The following TMEM178A variants were observed in gnomAD, a reference collection of about 807,000 sequenced individuals.
TMEM178A encodes the protein transmembrane protein 178A.
A neutral mutation model predicts 29.1 loss-of-function variants in TMEM178A; 12 were observed. The ratio of observed to expected loss-of-function variants is 0.41; its 90% CI spans 0.26 to 0.67. The LOEUF (loss-of-function observed/expected upper bound fraction) is 0.67, where lower values mean the gene tolerates loss of function less well. TMEM178A is among the 30% of genes least tolerant of loss of function. The pLI, the probability that TMEM178A is intolerant of heterozygous loss-of-function variation, is 0.29. For missense variants in TMEM178A, 366 were observed against 419.1 expected, an observed-to-expected ratio of 0.87 and a Z score of 1.11; for synonymous variants, 210 against 187.2, an observed-to-expected ratio of 1.12 and a Z score of -0.99.
intron 1 of TMEM178A, among the ~76,000 whole-genome samples, chr2:39,686,313 TCAAA>T (rs1211578590): frequency 6.6e-6 from 1 of 152,168 alleles, no homozygotes; most frequent in Non-Finnish European, 1.5e-5. Context: ...GCTTGGAATA[TCAAA>T]CAAAGGCACA....
chr2:39,710,683 A>G (rs1250039133), intron 3 of TMEM178A, among the ~76,000 whole-genome samples: 2 of 152,182 alleles, frequency 1.3e-5, no homozygotes, highest in African/African-American at 4.8e-5. Flanking sequence ...CACATGCAGT[A>G]GGAGATGAGA....
downstream of TMEM178A, among the ~76,000 whole-genome samples, chr2:39,718,825 C>T (rs1044205211): frequency 6.6e-6 from 1 of 151,058 alleles, no homozygotes; most frequent in African/African-American, 2.4e-5. Flanking sequence ...CCCTTGTTCC[C>T]GATTCTACAC....
At chr2:39,702,757 A>G (rs1301891221) in intron 1 of TMEM178A, among the ~76,000 whole-genome samples, 2 of 152,110 alleles carry the variant, frequency 1.3e-5, no homozygotes, top group Non-Finnish European at 2.9e-5. Flanking sequence ...GCTTCCAAAA[A>G]TCAGAGATAG....
At chr2:39,701,776 T>C (rs1671793216) in intron 1 of TMEM178A, among the ~76,000 whole-genome samples, 1 of 152,176 alleles carries the variant, frequency 6.6e-6, no homozygotes, top group Admixed American at 6.5e-5. Context: ...TGGACCTATC[T>C]TCAAGTTTGC....
At chr2:39,718,333 A>G (rs911680134), downstream of TMEM178A, among the ~76,000 whole-genome samples, 5 of 152,070 alleles carry the variant, frequency 3.3e-5, no homozygotes, top group African/African-American at 1.2e-4. Context: ...GCGATTTTCA[A>G]CCTTGGCTGC....
At chr2:39,713,664 C>T (rs941483866) in intron 3 of TMEM178A, among the ~76,000 whole-genome samples, 1 of 152,172 alleles carries the variant, frequency 6.6e-6, no homozygotes, top group Non-Finnish European at 1.5e-5. Context: ...TAGACTGTAG[C>T]CTCTACAATT....
intron 3 of TMEM178A, among the ~76,000 whole-genome samples, chr2:39,712,508 C>T (rs1572696752): frequency 6.6e-6 from 1 of 152,162 alleles, no homozygotes; most frequent in African/African-American, 2.4e-5. Context: ...TCTGTGATAT[C>T]GTGGTATCTT....
In TMEM178A at chr2:39,671,806, C is replaced by A. The variant is rs944075357; in HGVS notation, c.400+5432C>A. On this transcript the variant is annotated intron_variant, in intron 1 of 3. Coordinates refer to ENST00000281961, the MANE Select transcript of TMEM178A (RefSeq NM_152390.3). ...TGTACAGACCGCACTCTCAAGACTG[C>A]TTCTCTCACTGCTCAGAGCCAAGTC... 2.0e-5 allele frequency among the ~76,000 whole-genome samples: 3 copies of A among 152,336 alleles called. No individual in the cohort carries two copies. The East Asian group carries it at 5.8e-4, about 29-fold the overall frequency.
At chr2:39,726,560 A>G in the TMEM178A span, among the ~76,000 whole-genome samples, 1 of 152,166 alleles carries the variant, frequency 6.6e-6, no homozygotes, top group South Asian at 2.1e-4. Context: ...AGAGTGATAA[A>G]ATCTGGCTTA....
chr2:39,682,290 T>C (rs1371841264), intron 1 of TMEM178A, among the ~76,000 whole-genome samples: 1 of 152,194 alleles, frequency 6.6e-6, no homozygotes, highest in Non-Finnish European at 1.5e-5. Context: ...AGGTTATCAG[T>C]GTGAACTATG....
the TMEM178A span, among the ~76,000 whole-genome samples, chr2:39,729,515 C>T: frequency 6.6e-6 from 1 of 152,184 alleles, no homozygotes. Flanking sequence ...TGCCCAACAT[C>T]AATATCTGTT....
intron 1 of TMEM178A, 106 bp downstream of exon 1, chr2:39,666,480 C>G (rs1371641568): frequency 9.7e-6 from 9 of 930,324 alleles, no homozygotes; most frequent in South Asian, 5.2e-5. Context: ...GCCGCGGCCC[C>G]GCGCCTGGGC....
At chr2:39,703,943 G>A (rs1671909127) in intron 1 of TMEM178A, 138 bp from the exon 2 acceptor site, 4 of 635,530 alleles carry the variant, frequency 6.3e-6, no homozygotes, top group Non-Finnish European at 8.2e-6. Context: ...TATGTTTTAG[G>A]TTTTTATTGC....
At chr2:39,719,950 T>C (rs1397085173), downstream of TMEM178A, among the ~76,000 whole-genome samples, 3 of 152,162 alleles carry the variant, frequency 2.0e-5, no homozygotes, top group Non-Finnish European at 4.4e-5. Flanking sequence ...TTCTAGCACT[T>C]GGGAAACATT....
the TMEM178A span, among the ~76,000 whole-genome samples, chr2:39,734,589 T>A: frequency 6.6e-6 from 1 of 152,186 alleles, no homozygotes; most frequent in African/African-American, 2.4e-5. Flanking sequence ...CTAATCAACA[T>A]CTCCACTTTG....
chr2:39,703,629 C>T (rs1049538315), intron 1 of TMEM178A, among the ~76,000 whole-genome samples: 1 of 152,174 alleles, frequency 6.6e-6, no homozygotes, highest in African/African-American at 2.4e-5. Flanking sequence ...CCACCTAAAC[C>T]ATGTGGAAGG....
chr2:39,682,225 CAT>C (rs997798823), intron 1 of TMEM178A, among the ~76,000 whole-genome samples: 1 of 152,158 alleles, frequency 6.6e-6, no homozygotes, highest in Non-Finnish European at 1.5e-5. Context: ...GCATTATGCA[CAT>C]GTCTGCCTTC....
chr2:39,676,574 AAGT>A (rs1361705022), intron 1 of TMEM178A, among the ~76,000 whole-genome samples: 17 of 152,246 alleles, frequency 1.1e-4, no homozygotes, highest in Admixed American at 2.6e-4. Flanking sequence ...AATCCCGGGC[AAGT>A]GGAATGGACC....
rs951555436 is a variant in TMEM178A at position 39,707,113 on chromosome 2, T to C, written c.579T>C (p.Ile193=). The change falls in exon 3 of 4, where the codon ATT becomes ATC. Residue 193 remains isoleucine (I), a synonymous_variant. Transcript: ENST00000281961. ...MAVAVLLCGC[I]VATVSFFWEE... is the part of the protein sequence containing the mutation. Reference sequence around the variant, plus strand: ...TAGCCGTCCTTCTCTGCGGCTGCATTGTGGCCACAGTCAGTTTCTTCTGGG... The same window carrying C: ...TAGCCGTCCTTCTCTGCGGCTGCATCGTGGCCACAGTCAGTTTCTTCTGGG... 6.2e-7 allele frequency: 1 copy of C among 1,614,262 alleles called. No individual in the cohort carries two copies. Among genetic ancestry groups the C allele is most frequent in the African/African-American group, 1.3e-5 (1 of 75,086 alleles).
Sources: gnomAD v4.1 joint callset for allele counts (sites outside exome capture counted in the v4.1 genomes callset) on GRCh38, gnomAD v4.1.1 for gene constraint, MANE v1.5 for transcripts, NCBI Gene and HGNC (gene_info 2026-07-23, HGNC 2026-07-21) for gene names.